The following ADARB2 variants were observed in gnomAD, a reference collection of about 807,000 sequenced individuals.
ADARB2 encodes inactive double-stranded RNA-specific editase B2.
In ADARB2, 25 loss-of-function variants were observed where a neutral mutation model predicts 62.2. The ratio of observed to expected loss-of-function variants is 0.40; its 90% CI spans 0.29 to 0.56. ADARB2 has a LOEUF of 0.56. ADARB2 is among the 20% of genes least tolerant of loss of function. The probability of loss-of-function intolerance (pLI) is 0.43; values close to 1 mark genes in which losing one functional copy is unlikely to be tolerated. For synonymous variants in ADARB2, 572 were observed against 500.8 expected (o/e 1.14, Z -1.90); for missense variants, 1,071 against 1,077.4 (o/e 0.99, Z 0.08).
intron 3 of ADARB2, among the ~76,000 whole-genome samples, chr10:1,311,057 C>G (rs1831685389): frequency 3.9e-5 from 6 of 152,218 alleles, no homozygotes. Flanking sequence ...GCCTCAGTAG[C>G]TCCAGAGCTG....
At chr10:1,184,402 C>T (rs540366376) in intron 9 of ADARB2, among the ~76,000 whole-genome samples, 51 of 152,230 alleles carry the variant, frequency 3.4e-4, no homozygotes, top group African/African-American at 1.2e-3. Flanking sequence ...TTGTGGATGT[C>T]GTGGAAATGC....
intron 1 of ADARB2, among the ~76,000 whole-genome samples, chr10:1,554,400 A>G (rs1056942590): frequency 1.3e-5 from 2 of 152,160 alleles, no homozygotes; most frequent in African/African-American, 4.8e-5. Context: ...CAGAACCATC[A>G]ATGAATGCTG....
chr10:1,696,713 C>G (rs1424004515), intron 1 of ADARB2, among the ~76,000 whole-genome samples: 1 of 152,160 alleles, frequency 6.6e-6, no homozygotes, highest in Non-Finnish European at 1.5e-5. Context: ...TGGGTGGTAG[C>G]CTCCTCCTGT....
chr10:1,395,769 G>A (rs1265054897), intron 1 of ADARB2, among the ~76,000 whole-genome samples: 1 of 152,228 alleles, frequency 6.6e-6, no homozygotes, highest in Non-Finnish European at 1.5e-5. Context: ...GCAGGGTGGG[G>A]GGCTGCCCTC....
chr10:1,673,672 A>G (rs1010005749), intron 1 of ADARB2, among the ~76,000 whole-genome samples: 3 of 152,170 alleles, frequency 2.0e-5, no homozygotes, highest in Non-Finnish European at 4.4e-5. Context: ...CATAACGATG[A>G]CGAAGGAAAG....
intron 2 of ADARB2, among the ~76,000 whole-genome samples, chr10:1,368,186 C>T (rs538426756): frequency 9.5e-5 from 14 of 146,858 alleles, no homozygotes; most frequent in South Asian, 8.6e-4. Flanking sequence ...TCCAGGGGTA[C>T]GTGACCCTGG....
Position 1,396,358 on chromosome 10 carries a change from C to G in ADARB2, c.101-17198G>C, listed in dbSNP as rs546102176. ...GGCGCCCACGCCTCGGCCGACGCAG[C>G]CTTCACGCCCGTCTCTGGTGAGTTT... On this transcript the variant is annotated intron_variant, in intron 1 of 9. Coordinates refer to ENST00000381312, the MANE Select transcript of ADARB2 (RefSeq NM_018702.4). Among the ~76,000 whole-genome samples, 20 of 152,298 alleles carry G rather than the reference C, an allele frequency of 1.3e-4. 1 individual carries two copies. The South Asian group carries it at 2.3e-3, about 17-fold the overall frequency.
intron 3 of ADARB2, among the ~76,000 whole-genome samples, chr10:1,359,718 G>A (rs560597899): frequency 1.1e-3 from 161 of 152,264 alleles, no homozygotes; most frequent in African/African-American, 3.6e-3. Flanking sequence ...GACTCTTCCC[G>A]CCGCGGCCCT....
intron 4 of ADARB2, among the ~76,000 whole-genome samples, chr10:1,252,206 TAAG>T (rs1253523321): frequency 1.3e-5 from 2 of 152,314 alleles, no homozygotes; most frequent in East Asian, 1.9e-4. Flanking sequence ...ACCAAATTTC[TAAG>T]AAGAAAACTG....
At chr10:1,646,512 T>G (rs1834044193) in intron 1 of ADARB2, among the ~76,000 whole-genome samples, 1 of 152,224 alleles carries the variant, frequency 6.6e-6, no homozygotes, top group Non-Finnish European at 1.5e-5. Flanking sequence ...GGGCAGCGGC[T>G]TTAGCCGCTG....
rs556005261 is a variant in ADARB2, at chr10:1,260,498, T to A, written c.1192+10457A>T. On this transcript the variant is annotated intron_variant, in intron 4 of 9. Coordinates refer to ENST00000381312, the MANE Select transcript of ADARB2 (RefSeq NM_018702.4). ...TGTACAAAAATCACAAGCATTCTTA[T>A]ACACCAATAACAGACGAACAGAGAG... 7.7e-4 allele frequency among the ~76,000 whole-genome samples: 117 copies of A among 151,572 alleles called. 8 individuals carry two copies. In the South Asian group the frequency reaches 0.024, roughly 32 times the overall value.
intron 3 of ADARB2, among the ~76,000 whole-genome samples, chr10:1,299,719 G>A (rs12218307): frequency 0.44 from 66,740 of 151,968 alleles, 16,268 homozygotes; most frequent in East Asian, 0.69. Flanking sequence ...GGACTCTTCT[G>A]CCCCTGGGCT....
intron 1 of ADARB2, among the ~76,000 whole-genome samples, chr10:1,440,243 T>G (rs1169691680): frequency 2.3e-4 from 35 of 152,190 alleles, no homozygotes; most frequent in Admixed American, 2.3e-3. Context: ...ACATTAGTGC[T>G]GACAAGCTGA....
chr10:1,292,485 C>CTTTTCCGATAAA (rs1189020764), intron 3 of ADARB2: 1 of 152,168 alleles, frequency 6.6e-6, no homozygotes, highest in Non-Finnish European at 1.5e-5. Flanking sequence ...CATAGACACT[C>CTTTTCCGATAAA]AGTATATCTT....
At chr10:1,720,327 G>C (rs1452175989) in intron 1 of ADARB2, among the ~76,000 whole-genome samples, 1 of 152,178 alleles carries the variant, frequency 6.6e-6, no homozygotes, top group Non-Finnish European at 1.5e-5. Context: ...TAAACACTGA[G>C]TATTCATGGA....
At chr10:1,547,956 G>A (rs866090070) in intron 1 of ADARB2, among the ~76,000 whole-genome samples, 1 of 152,108 alleles carries the variant, frequency 6.6e-6, no homozygotes, top group African/African-American at 2.4e-5. Flanking sequence ...TGTTTTGTGG[G>A]CCTGAGGATT....
intron 6 of ADARB2, among the ~76,000 whole-genome samples, chr10:1,228,746 C>T (rs536244291): frequency 8.5e-5 from 13 of 152,190 alleles, no homozygotes; most frequent in South Asian, 2.1e-4. Flanking sequence ...CGATGCACCA[C>T]GAACACTTTT....
intron 1 of ADARB2, among the ~76,000 whole-genome samples, chr10:1,677,156 T>C (rs1005741158): frequency 3.9e-5 from 6 of 152,244 alleles, no homozygotes; most frequent in Non-Finnish European, 7.3e-5. Context: ...GTGGAAAACC[T>C]GCACATGAAG....
intron 1 of ADARB2, among the ~76,000 whole-genome samples, chr10:1,733,911 C>T (rs951782022): frequency 2.0e-5 from 3 of 152,074 alleles, no homozygotes; most frequent in Non-Finnish European, 4.4e-5. Context: ...GAGGCAGGCG[C>T]GGGACACACT....
Sources: gnomAD v4.1 joint callset for allele counts (sites outside exome capture counted in the v4.1 genomes callset) on GRCh38, gnomAD v4.1.1 for gene constraint, MANE v1.5 for transcripts, NCBI Gene and HGNC (gene_info 2026-07-23, HGNC 2026-07-21) for gene names.